Variants in VTI1A observed in about 807,000 individuals in gnomAD.
VTI1A encodes the protein vesicle transport through interaction with t-SNAREs homolog 1A.
In VTI1A, 22 loss-of-function variants were observed where a neutral mutation model predicts 34.9. That is an observed-to-expected ratio of 0.63 (90% CI 0.45 to 0.90). The LOEUF (loss-of-function observed/expected upper bound fraction) is 0.90. Among genes scored for constraint, VTI1A ranks in the 40% least tolerant of loss-of-function variants. VTI1A has a pLI of 0.00. For synonymous variants in VTI1A, 87 were observed against 97.3 expected, an observed-to-expected ratio of 0.89 and a Z score of 0.62; for missense variants, 268 against 275.6, an observed-to-expected ratio of 0.97 and a Z score of 0.20.
At chr10:112,598,006 T>G (rs929348959) in intron 5 of VTI1A, among the ~76,000 whole-genome samples, 3 of 152,196 alleles carry the variant, frequency 2.0e-5, no homozygotes, top group Non-Finnish European at 4.4e-5. Flanking sequence ...CAAGAGACCT[T>G]GTCTCTTAAG....
intron 5 of VTI1A, among the ~76,000 whole-genome samples, chr10:112,539,509 A>G (rs564062958): frequency 1.3e-5 from 2 of 152,302 alleles, no homozygotes; most frequent in South Asian, 2.1e-4. Context: ...TAATTGATAG[A>G]TTGGCTTTCT....
intron 3 of VTI1A, among the ~76,000 whole-genome samples, chr10:112,480,400 G>C (rs990545314): frequency 6.6e-6 from 1 of 152,156 alleles, no homozygotes; most frequent in Admixed American, 6.5e-5. Context: ...AGATGAATAA[G>C]ACAAATTTTT....
chr10:112,462,393 A>G (rs927733845), intron 2 of VTI1A, among the ~76,000 whole-genome samples: 1 of 152,182 alleles, frequency 6.6e-6, no homozygotes, highest in Non-Finnish European at 1.5e-5. Flanking sequence ...TTTCTGTCTT[A>G]CCTACTTTTA....
chr10:112,834,121 G>A, the VTI1A span, among the ~76,000 whole-genome samples: 18 of 152,136 alleles, frequency 1.2e-4, no homozygotes, highest in African/African-American at 3.9e-4. Flanking sequence ...ATCAGATGAG[G>A]GAATCCATGT....
At chr10:112,453,490 C>T (rs529674839) in intron 1 of VTI1A, among the ~76,000 whole-genome samples, 1 of 152,200 alleles carries the variant, frequency 6.6e-6, no homozygotes, top group East Asian at 1.9e-4. Context: ...CATTTATTTA[C>T]TTATTCAGTC....
intron 5 of VTI1A, among the ~76,000 whole-genome samples, chr10:112,663,902 A>G (rs1428965027): frequency 1.3e-5 from 2 of 152,220 alleles, no homozygotes; most frequent in Admixed American, 1.3e-4. Context: ...TCTGCAATAC[A>G]TATATGAAAA....
intron 5 of VTI1A, among the ~76,000 whole-genome samples, chr10:112,594,199 G>C (rs752572934): frequency 6.6e-6 from 1 of 152,104 alleles, no homozygotes; most frequent in Non-Finnish European, 1.5e-5. Flanking sequence ...GAGCCACTGC[G>C]CCCGGCCGGT....
chr10:112,575,105 A>AC (rs1443925014), intron 5 of VTI1A, among the ~76,000 whole-genome samples: 1 of 152,202 alleles, frequency 6.6e-6, no homozygotes, highest in African/African-American at 2.4e-5. Flanking sequence ...AATTTCCATG[A>AC]CCACAAGGAC....
chr10:112,628,226 CT>C (rs1368775778), intron 5 of VTI1A, among the ~76,000 whole-genome samples: 1 of 152,018 alleles, frequency 6.6e-6, no homozygotes, highest in Admixed American at 6.5e-5. Flanking sequence ...TCACATGTTG[CT>C]GGACATTTTT....
intron 4 of VTI1A, among the ~76,000 whole-genome samples, chr10:112,528,312 T>C (rs1274643269): frequency 6.6e-6 from 1 of 152,176 alleles, no homozygotes; most frequent in African/African-American, 2.4e-5. Flanking sequence ...ATGTTGTTTG[T>C]GTGATTAAGG....
intron 7 of VTI1A, among the ~76,000 whole-genome samples, chr10:112,745,375 AT>A (rs201134516): frequency 2.7e-5 from 4 of 150,926 alleles, no homozygotes; most frequent in Non-Finnish European, 3.0e-5. Context: ...TAGGATTTGG[AT>A]TTTTTTTTCT....
chr10:112,815,394 C>G lies in VTI1A; in HGVS notation c.*11C>G. 1.2e-6 allele frequency: 2 copies of G among 1,607,560 alleles called. No individual in the cohort carries two copies. The highest frequency in any genetic ancestry group is 1.7e-6 in the Non-Finnish European group (2 of 1,174,106). On this transcript the variant is annotated 3_prime_UTR_variant, in exon 8 of 8. Transcript: ENST00000393077. Reference sequence around the variant, plus strand: ...GTCAGAAGACACTGATGTATCTGCTCTCCCTTGATAAACAGCAACAACAGC... The same window carrying G: ...GTCAGAAGACACTGATGTATCTGCTGTCCCTTGATAAACAGCAACAACAGC...
chr10:112,603,975 G>C (rs139213295), intron 5 of VTI1A, among the ~76,000 whole-genome samples: 3 of 152,174 alleles, frequency 2.0e-5, no homozygotes, highest in Non-Finnish European at 4.4e-5. Context: ...GCATTTTCCT[G>C]TGTCCAGTGT....
At chr10:112,689,842 GC>G (rs1326331698) in intron 7 of VTI1A, among the ~76,000 whole-genome samples, 1 of 151,588 alleles carries the variant, frequency 6.6e-6, no homozygotes, top group Admixed American at 6.6e-5. Context: ...CAGCTGTGTT[GC>G]CTTGCTCCAC....
chr10:112,806,787 A>C (rs374701050), intron 7 of VTI1A, among the ~76,000 whole-genome samples: 1 of 151,494 alleles, frequency 6.6e-6, no homozygotes, highest in African/African-American at 2.4e-5. Flanking sequence ...GGGTCTCTCT[A>C]TGTTGCCCAG....
At chr10:112,598,958 C>G (rs1189270351) in intron 5 of VTI1A, among the ~76,000 whole-genome samples, 1 of 152,164 alleles carries the variant, frequency 6.6e-6, no homozygotes, top group Admixed American at 6.5e-5. Flanking sequence ...TCAATAATAA[C>G]AAGAAACCAA....
At chr10:112,684,606 C>T (rs529658330) in intron 7 of VTI1A, among the ~76,000 whole-genome samples, 1 of 152,034 alleles carries the variant, frequency 6.6e-6, no homozygotes, top group East Asian at 1.9e-4. Context: ...GCCCAGCTAA[C>T]TTTTTTGTAT....
At chr10:112,464,744 T>A in intron 3 of VTI1A, 87 bp downstream of exon 3, 1 of 1,135,468 alleles carries the variant, frequency 8.8e-7, no homozygotes, top group Non-Finnish European at 1.3e-6. Flanking sequence ...ATGCACAGTC[T>A]TTTGGGCTCA....
intron 3 of VTI1A, among the ~76,000 whole-genome samples, chr10:112,475,513 A>G (rs180796956): frequency 3.9e-5 from 6 of 152,342 alleles, no homozygotes; most frequent in Admixed American, 6.5e-5. Context: ...AATTTTTGCT[A>G]TGACTTTATG....
Sources: gnomAD v4.1 joint callset for allele counts (sites outside exome capture counted in the v4.1 genomes callset) on GRCh38, gnomAD v4.1.1 for gene constraint, MANE v1.5 for transcripts, NCBI Gene and HGNC (gene_info 2026-07-23, HGNC 2026-07-21) for gene names.